Variants in DENND4C observed in about 807,000 individuals in gnomAD.
DENND4C encodes the protein DENN domain-containing protein 4C.
Under a neutral mutation model 203.0 loss-of-function variants are expected in DENND4C, and 108 were observed. That is an observed-to-expected ratio of 0.53 (90% CI 0.46 to 0.62). The LOEUF (loss-of-function observed/expected upper bound fraction) is 0.62. Among genes scored for constraint, DENND4C ranks in the 20% least tolerant of loss-of-function variants. The pLI is 0.00. For synonymous variants in DENND4C, 871 were observed against 792.4 expected (o/e 1.10, Z -1.67); for missense variants, 2,481 against 2,301.2 (o/e 1.08, Z -1.60).
intron 20 of DENND4C, among the ~76,000 whole-genome samples, chr9:19,339,535 C>T (rs1821156778): frequency 6.6e-6 from 1 of 152,170 alleles, no homozygotes; most frequent in African/African-American, 2.4e-5. Context: ...GTTGTCACGT[C>T]CTACAGGCAC....
intron 1 of DENND4C, among the ~76,000 whole-genome samples, chr9:19,269,891 C>T (rs1831279620): frequency 6.6e-6 from 1 of 152,106 alleles, no homozygotes; most frequent in Non-Finnish European, 1.5e-5. Context: ...TTGTACCCAT[C>T]CTTCTAGAAA....
rs535022740 is a variant in DENND4C, at chr9:19,282,117, T to G, written c.306-4652T>G. The stretch of plus-strand genomic sequence containing the variant: ...ACTTTATAAACTTTTAAAGTTTTTG[T>G]TAATTTTTTTGATTCTTTTGTAATA... On this transcript the variant is annotated intron_variant, in intron 2 of 32. Coordinates refer to ENST00000434457, the MANE Select transcript of DENND4C (RefSeq NM_001330640.2). 1.3e-3 allele frequency among the ~76,000 whole-genome samples: 204 copies of G among 151,460 alleles called. 1 individual carries two copies. Among genetic ancestry groups the G allele is most frequent in the African/African-American group, 4.0e-3 (165 of 41,430 alleles).
intron 1 of DENND4C, among the ~76,000 whole-genome samples, chr9:19,256,309 G>GTTTTTTTT (rs1165191635): frequency 2.4e-5 from 2 of 84,880 alleles, no homozygotes; most frequent in Non-Finnish European, 4.3e-5. Flanking sequence ...TTTTTTTTTT[G>GTTTTTTTT]TTTTTTTTTT....
intron 1 of DENND4C, among the ~76,000 whole-genome samples, chr9:19,272,387 T>TCCC (rs994308722): frequency 2.0e-4 from 30 of 149,616 alleles, no homozygotes; most frequent in Non-Finnish European, 4.4e-4. Flanking sequence ...GCCATTGCAC[T>TCCC]CCCGCCTGGG....
In DENND4C at chr9:19,343,142, G is replaced by T. The variant is rs117722906; in HGVS notation, c.3151+363G>T. 1.5e-3 allele frequency among the ~76,000 whole-genome samples: 225 copies of T among 152,224 alleles called. 3 individuals are homozygous for T. The highest frequency in any genetic ancestry group is 3.4e-3 in the Middle Eastern group (1 of 294). On this transcript the variant is annotated intron_variant, in intron 22 of 32. Transcript: ENST00000434457. The stretch of plus-strand genomic sequence containing the variant: ...AATTCCAGAGGGCTTATGAGTGGCA[G>T]GCTAATTCCTATCACTGAAGGGAAA...
chr9:19,331,182 T>G (rs145480549), intron 16 of DENND4C, among the ~76,000 whole-genome samples: 33 of 151,832 alleles, frequency 2.2e-4, no homozygotes, highest in African/African-American at 7.2e-4. Flanking sequence ...TAGGAAAGTT[T>G]ATGTTGACTG....
At chr9:19,359,831 T>G (rs1441827331) in intron 28 of DENND4C, among the ~76,000 whole-genome samples, 1 of 152,210 alleles carries the variant, frequency 6.6e-6, no homozygotes, top group Non-Finnish European at 1.5e-5. Context: ...AAAAGTGAGT[T>G]AAGTCAACAA....
intron 22 of DENND4C, among the ~76,000 whole-genome samples, chr9:19,345,511 A>G: frequency 6.6e-6 from 1 of 152,236 alleles, no homozygotes; most frequent in East Asian, 1.9e-4. Flanking sequence ...AGTATAGCAA[A>G]TATACAATTC....
At chr9:19,232,368 G>C (rs1218746539) in intron 1 of DENND4C, among the ~76,000 whole-genome samples, 1 of 152,094 alleles carries the variant, frequency 6.6e-6, no homozygotes, top group Non-Finnish European at 1.5e-5. Context: ...ATTGAGATTA[G>C]GGGTCTGATC....
rs889531653 is a variant in DENND4C at position 19,288,561 on chromosome 9, T to G, written c.559-35T>G. ...ACAAAATCAATTTCTTTTCACTCTT[T>G]TGTCTTTTTTATAAACCTAATTCAT... On this transcript the variant is annotated intron_variant, in intron 3 of 32. Transcript: ENST00000434457. 2.5e-6 allele frequency: 3 copies of G among 1,199,398 alleles called. No homozygotes were observed. In the East Asian group the frequency reaches 9.5e-5, roughly 38 times the overall value. The allele number at this position is 1,199,398 out of a possible 1,614,324, so 74.3% of individuals were successfully genotyped here.
chr9:19,284,608 A>G (rs1003023937), intron 2 of DENND4C, among the ~76,000 whole-genome samples: 1 of 152,074 alleles, frequency 6.6e-6, no homozygotes, highest in Non-Finnish European at 1.5e-5. Flanking sequence ...CCCATCAACA[A>G]AGTATGTGGT....
At chr9:19,316,257 A>C (rs1841830096) in intron 10 of DENND4C, among the ~76,000 whole-genome samples, 160 bp from the exon 11 acceptor site, 1 of 152,264 alleles carries the variant, frequency 6.6e-6, no homozygotes, top group African/African-American at 2.4e-5. Context: ...GAATGAAAAG[A>C]GAACTTCCTT....
At chr9:19,252,352 G>T (rs1405288371) in intron 1 of DENND4C, among the ~76,000 whole-genome samples, 1 of 152,064 alleles carries the variant, frequency 6.6e-6, no homozygotes, top group Non-Finnish European at 1.5e-5. Flanking sequence ...TGACATGTGG[G>T]AATTGTGGGA....
chr9:19,285,212 T>A (rs1026349948), intron 2 of DENND4C, among the ~76,000 whole-genome samples: 3 of 152,170 alleles, frequency 2.0e-5, no homozygotes, highest in Non-Finnish European at 4.4e-5. Context: ...TCATTGTCTT[T>A]CTGTTCACTT....
chr9:19,346,602 C>T lies in DENND4C; in HGVS notation c.3833C>T (p.Ala1278Val), dbSNP rs375658062. The change falls in exon 23 of 33, where the codon GCA becomes GTA. Residue 1278 changes from alanine to valine, a missense_variant. Physicochemically the swap from Ala to Val is moderately conservative, Grantham distance 64. Transcript: ENST00000434457. ...SEDKLFSPVI[A>V]RNLADEIESY... ...GATAAGTTGTTTTCTCCAGTTATTG[C>T]ACGTAATCTGGCTGATGAAATAGAA... 4.4e-5 allele frequency: 71 copies of T among 1,614,120 alleles called. No homozygotes were observed. In the African/African-American group the frequency reaches 8.1e-4, roughly 18 times the overall value.
chr9:19,352,502 A>G lies in DENND4C; in HGVS notation c.4618A>G (p.Ser1540Gly). 1.3e-6 allele frequency: 2 copies of G among 1,584,134 alleles called. No individual in the cohort carries two copies. The highest frequency in any genetic ancestry group is 1.7e-6 in the Non-Finnish European group (2 of 1,165,908). ...TTTCTGTTTTTAGGTTTTGATGTCC[A>G]GTTGTTCACAGTGTAGAGCTTGTGG... ...QNCAMEVLMSSCSQCRACGAL... is the reference protein window; with the variant it reads ...QNCAMEVLMSGCSQCRACGAL... Residue 1540 changes from serine (S) to glycine (G), a missense_variant, in exon 26 of 33, where the codon AGT (serine) becomes GGT (glycine). By Grantham distance (56) the Ser-to-Gly change is moderately conservative. Around this residue, in one of 3 missense-constraint regions of DENND4C, gnomAD observed 2,289 missense variants for 2,113.3 expected, o/e 1.08. Transcript: ENST00000434457.
rs1411862549 is a variant in DENND4C, at chr9:19,264,367, C to T, written c.-17-11791C>T. ...CAGGCTAGAGTGCAGAATGCAGTGG[C>T]GCAATTTCGGCTCACTACAACCTCC... On this transcript the variant is annotated intron_variant, in intron 1 of 32. Transcript: ENST00000434457. 8.6e-5 allele frequency among the ~76,000 whole-genome samples: 13 copies of T among 151,808 alleles called. No homozygotes were observed. The South Asian group carries it at 1.3e-3, about 15-fold the overall frequency.
At chr9:19,287,119 A>G (rs1211879990) in intron 3 of DENND4C, 98 bp downstream of exon 3, 30 of 1,030,354 alleles carry the variant, frequency 2.9e-5, no homozygotes, top group Non-Finnish European at 3.5e-5. Flanking sequence ...CACATTTTAT[A>G]TTTTCATGAT....
At chr9:19,367,338 C>T (rs760535414) in intron 30 of DENND4C, among the ~76,000 whole-genome samples, 25 of 152,216 alleles carry the variant, frequency 1.6e-4, no homozygotes, top group Non-Finnish European at 2.9e-4. Flanking sequence ...GTTGCACTCA[C>T]GTATATACCT....
Sources: allele counts gnomAD v4.1 joint callset (sites outside exome capture counted in the v4.1 genomes callset), GRCh38; gene constraint gnomAD v4.1.1; regional missense constraint gnomAD v4.1.1; transcripts MANE v1.5; gene names NCBI Gene and HGNC (gene_info 2026-07-23, HGNC 2026-07-21).